Variants in CADPS observed in about 807,000 individuals in gnomAD.
CADPS encodes calcium-dependent secretion activator 1.
CADPS carries 57 observed loss-of-function variants against 167.3 expected under a neutral mutation model. That is an observed-to-expected ratio of 0.34 (90% CI 0.28 to 0.42). The LOEUF is 0.42. Among genes scored for constraint, CADPS ranks in the 20% least tolerant of loss-of-function variants. The pLI, the probability that CADPS is intolerant of heterozygous loss-of-function variation, is 1.00. For synonymous variants in CADPS, 676 were observed against 635.3 expected, an observed-to-expected ratio of 1.06 and a Z score of -0.96; for missense variants, 1,414 against 1,738.1, an observed-to-expected ratio of 0.81 and a Z score of 3.32.
chr3:62,446,359 AAATTCCAGATGGG>A lies in CADPS; in HGVS notation c.3637-575_3637-563del, dbSNP rs1161578479. Among the ~76,000 whole-genome samples, 4 of 152,196 alleles carry A rather than the reference AAATTCCAGATGGG, an allele frequency of 2.6e-5. No individual in the cohort carries two copies. The highest frequency in any genetic ancestry group is 5.9e-5 in the Non-Finnish European group (4 of 68,034). ...TATGTCTCCTGCTTTTACGTGCTAA[AAATTCCAGATGGG>A]AAGTGCAGGAAGTGGTTATAAAATT... On this transcript the variant is annotated intron_variant, in intron 26 of 29. Transcript: ENST00000383710. This position sits in a 1 kb window ranked among gnomAD's most constrained non-coding sequence, Gnocchi z 4.9.
At chr3:62,873,611 A>G (rs1011001041) in intron 1 of CADPS, among the ~76,000 whole-genome samples, 1 of 126,788 alleles carries the variant, frequency 7.9e-6, no homozygotes, top group African/African-American at 3.1e-5. Context: ...TGATAGAAAT[A>G]GGCGCCTTTT....
chr3:62,629,847 T>A (rs1199111787), intron 6 of CADPS, among the ~76,000 whole-genome samples: 1 of 152,180 alleles, frequency 6.6e-6, no homozygotes, highest in East Asian at 1.9e-4. Context: ...TTGCTTTTTT[T>A]CTTCCTTGAC....
At chr3:62,790,750 G>A (rs772184070) in intron 1 of CADPS, among the ~76,000 whole-genome samples, 1 of 152,174 alleles carries the variant, frequency 6.6e-6, no homozygotes, top group Non-Finnish European at 1.5e-5. Context: ...CAACGACTAT[G>A]GCTTCTAGAC....
intron 18 of CADPS, among the ~76,000 whole-genome samples, chr3:62,494,029 A>G (rs2064196707): frequency 6.6e-6 from 1 of 152,238 alleles, no homozygotes; most frequent in Admixed American, 6.5e-5. Flanking sequence ...ATTTAATTTC[A>G]TAGATCCTAG....
At chr3:62,537,679 G>C (rs913396045) in intron 11 of CADPS, among the ~76,000 whole-genome samples, 1 of 151,928 alleles carries the variant, frequency 6.6e-6, no homozygotes, top group Non-Finnish European at 1.5e-5. Flanking sequence ...ATCGATTTCT[G>C]ACTTGGGAGT....
chr3:62,412,950 C>G lies in CADPS; in HGVS notation c.3778-9765G>C, dbSNP rs112764099. 4.7e-4 allele frequency among the ~76,000 whole-genome samples: 71 copies of G among 152,246 alleles called. No homozygotes were observed. The highest frequency in any genetic ancestry group is 3.4e-3 in the Middle Eastern group (1 of 294). Reference sequence around the variant, plus strand: ...TAAAACCCAACAAGTCACAAAATCCCCCTTTATCCTACCCAATCCCACTTT... The same window carrying G: ...TAAAACCCAACAAGTCACAAAATCCGCCTTTATCCTACCCAATCCCACTTT... On this transcript the variant is annotated intron_variant, in intron 28 of 29. Transcript: ENST00000383710. This position sits in a 1 kb window ranked among gnomAD's most constrained non-coding sequence, Gnocchi z 4.1.
intron 3 of CADPS, among the ~76,000 whole-genome samples, chr3:62,694,397 C>A (rs1439562949): frequency 1.3e-5 from 2 of 151,998 alleles, no homozygotes; most frequent in Non-Finnish European, 2.9e-5. Context: ...TTACTTTAAA[C>A]TTTTTAATTG....
At chr3:62,466,971 T>G (rs1285729459) in intron 24 of CADPS, among the ~76,000 whole-genome samples, 1 of 152,196 alleles carries the variant, frequency 6.6e-6, no homozygotes, top group East Asian at 1.9e-4. Context: ...CTTTCTGAAC[T>G]CTTGTGGCAA....
chr3:62,649,543 C>CTTTTTTTTTTTTTTTTTTTTT (rs369874258), intron 5 of CADPS, among the ~76,000 whole-genome samples: 1 of 37,786 alleles, frequency 2.6e-5, no homozygotes, highest in African/African-American at 1.1e-4. Context: ...AATATGTGGT[C>CTTTTTTTTTTTTTTTTTTTTT]TTTTTTTTTT....
At chr3:62,838,678 G>A (rs1386152828) in intron 1 of CADPS, among the ~76,000 whole-genome samples, 2 of 152,206 alleles carry the variant, frequency 1.3e-5, no homozygotes, top group African/African-American at 2.4e-5. Flanking sequence ...TATTCCATAC[G>A]ACTGTAATGA....
intron 26 of CADPS, among the ~76,000 whole-genome samples, chr3:62,454,143 A>G (rs1423779418): frequency 1.3e-5 from 2 of 152,248 alleles, no homozygotes; most frequent in Non-Finnish European, 2.9e-5. Flanking sequence ...TAAGTTGCCT[A>G]TAAATGGAAC....
chr3:62,579,339 A>C (rs1382737114), intron 8 of CADPS, among the ~76,000 whole-genome samples: 1 of 152,222 alleles, frequency 6.6e-6, no homozygotes, highest in Non-Finnish European at 1.5e-5. Flanking sequence ...TCATCTAAAC[A>C]ATAAATAATT....
intron 3 of CADPS, among the ~76,000 whole-genome samples, chr3:62,676,083 A>G (rs2150919243): frequency 6.6e-6 from 1 of 152,296 alleles, no homozygotes; most frequent in South Asian, 2.1e-4. Flanking sequence ...TTGTGTTTTT[A>G]AAAAGCAATA....
At chr3:62,763,988 G>A (rs551717380) in intron 2 of CADPS, among the ~76,000 whole-genome samples, 1 of 152,138 alleles carries the variant, frequency 6.6e-6, no homozygotes, top group Non-Finnish European at 1.5e-5. Context: ...TTAGCACCTT[G>A]ATGACTATTA....
intron 8 of CADPS, among the ~76,000 whole-genome samples, chr3:62,583,574 G>A (rs1039426538): frequency 6.6e-6 from 1 of 152,154 alleles, no homozygotes; most frequent in Non-Finnish European, 1.5e-5. Flanking sequence ...CCAGGCAGAA[G>A]AGCTTTGCCA....
intron 4 of CADPS, among the ~76,000 whole-genome samples, chr3:62,654,884 C>T (rs2150302142): frequency 6.6e-6 from 1 of 152,246 alleles, no homozygotes; most frequent in East Asian, 1.9e-4. Flanking sequence ...TCTTGCTAAT[C>T]AATTTTGAGA....
chr3:62,427,538 C>T (rs574284359), intron 28 of CADPS, among the ~76,000 whole-genome samples: 5 of 152,282 alleles, frequency 3.3e-5, no homozygotes, highest in African/African-American at 1.2e-4. Flanking sequence ...GGAGGTTCAG[C>T]ACTGGCCTCT....
chr3:62,547,575 A>G (rs1329469583), intron 11 of CADPS, among the ~76,000 whole-genome samples: 1 of 122,856 alleles, frequency 8.1e-6, no homozygotes, highest in African/African-American at 3.3e-5. Context: ...CCTAGGGATG[A>G]TATCATTTAC....
intron 1 of CADPS, among the ~76,000 whole-genome samples, chr3:62,770,480 C>T (rs1485720248): frequency 6.6e-6 from 1 of 152,128 alleles, no homozygotes; most frequent in East Asian, 1.9e-4. Context: ...GGCTGGAGTG[C>T]AGTGGTGCCA....
Sources: allele counts gnomAD v4.1 joint callset (sites outside exome capture counted in the v4.1 genomes callset), GRCh38; gene constraint gnomAD v4.1.1; non-coding constraint Gnocchi (gnomAD v3.1); transcripts MANE v1.5; gene names NCBI Gene and HGNC (gene_info 2026-07-23, HGNC 2026-07-21).